SNX27: variants seen among roughly 807,000 people sequenced by gnomAD.
SNX27 encodes the protein sorting nexin 27, also known as sorting nexin-27.
A neutral mutation model predicts 71.6 loss-of-function variants in SNX27; 22 were observed. The ratio of observed to expected loss-of-function variants is 0.31; its 90% CI spans 0.22 to 0.44. The LOEUF (loss-of-function observed/expected upper bound fraction) is 0.44, where lower values mean the gene tolerates loss of function less well. Ranked by LOEUF, SNX27 falls within the 20% of genes least tolerant of loss-of-function variation. The pLI is 1.00. For synonymous variants in SNX27, 269 were observed against 277.2 expected, an observed-to-expected ratio of 0.97 and a Z score of 0.29; for missense variants, 531 against 698.6, an observed-to-expected ratio of 0.76 and a Z score of 2.70.
intron 7 of SNX27, among the ~76,000 whole-genome samples, chr1:151,675,227 T>A (rs1670631369): frequency 6.6e-6 from 1 of 152,170 alleles, no homozygotes; most frequent in Non-Finnish European, 1.5e-5. Context: ...TCTGATTGTT[T>A]CCCTTTGATC....
At chr1:151,664,164 A>G (rs1670087898) in intron 5 of SNX27, among the ~76,000 whole-genome samples, 1 of 143,830 alleles carries the variant, frequency 7.0e-6, no homozygotes, top group South Asian at 2.1e-4. Flanking sequence ...CTTTATATAT[A>G]ATTATATAAT....
chr1:151,666,208 A>G (rs1029882104), intron 6 of SNX27, 197 bp downstream of exon 6: 1 of 401,316 alleles, frequency 2.5e-6, no homozygotes. Context: ...TTTTGTAAGT[A>G]TAGGTTATAA....
At chr1:151,660,766 C>T in intron 3 of SNX27, 32 bp from the exon 4 acceptor site, 1 of 1,543,428 alleles carries the variant, frequency 6.5e-7, no homozygotes, top group Non-Finnish European at 9.0e-7. Context: ...ATTTTAAGGC[C>T]TTATGCCAGA....
chr1:151,694,461 C>A lies in SNX27; in HGVS notation c.*44C>A. On this transcript the variant is annotated 3_prime_UTR_variant, in exon 12 of 12. Transcript: ENST00000458013. The stretch of plus-strand genomic sequence containing the variant: ...CCTTCCCTTCACCCCCATCCTCTTA[C>A]TCCTTTCATGTCCCATTTCAGACAG... The A allele has an allele frequency of 1.3e-6, 2 of 1,524,848 alleles. No individual in the cohort carries two copies. Among genetic ancestry groups the A allele is most frequent in the Non-Finnish European group, 1.8e-6 (2 of 1,127,232 alleles). The allele number at this position is 1,524,848 out of a possible 1,614,324, so 94.5% of individuals were successfully genotyped here. A position where few individuals can be genotyped will look rare whatever the true frequency, so the allele number is the denominator to read the frequency against.
chr1:151,665,775 T>C (rs1028204477), intron 5 of SNX27, among the ~76,000 whole-genome samples, 158 bp from the exon 6 acceptor site: 3 of 152,190 alleles, frequency 2.0e-5, no homozygotes, highest in African/African-American at 7.2e-5. Flanking sequence ...TACACATACA[T>C]ACAAAGAAGG....
At chr1:151,617,000 C>T (rs1212049560) in intron 1 of SNX27, among the ~76,000 whole-genome samples, 1 of 152,116 alleles carries the variant, frequency 6.6e-6, no homozygotes, top group East Asian at 1.9e-4. Context: ...ATTCTCAGTT[C>T]ATTTTATCTT....
intron 2 of SNX27, among the ~76,000 whole-genome samples, chr1:151,639,486 A>G (rs1027913207): frequency 3.3e-5 from 5 of 152,134 alleles, no homozygotes; most frequent in Non-Finnish European, 5.9e-5. Flanking sequence ...CTGTGGTGCT[A>G]TAGGGCAAGA....
At chr1:151,641,961 TGA>T (rs1491435667) in intron 2 of SNX27, among the ~76,000 whole-genome samples, 15 of 32,606 alleles carry the variant, frequency 4.6e-4, no homozygotes, top group African/African-American at 9.5e-4. Context: ...TAGATATATA[TGA>T]GATATATATA....
intron 2 of SNX27, among the ~76,000 whole-genome samples, chr1:151,641,114 A>C (rs1668699264): frequency 6.6e-6 from 1 of 152,176 alleles, no homozygotes. Flanking sequence ...GTTCATGCAC[A>C]TGTGGGTTGT....
chr1:151,629,993 C>T (rs1206440981), intron 1 of SNX27, among the ~76,000 whole-genome samples: 2 of 151,604 alleles, frequency 1.3e-5, no homozygotes, highest in Non-Finnish European at 2.9e-5. Flanking sequence ...CACCTGTAAT[C>T]CCAGCTACTC....
intron 1 of SNX27, among the ~76,000 whole-genome samples, chr1:151,613,684 T>G (rs988762093): frequency 6.6e-6 from 1 of 151,946 alleles, no homozygotes; most frequent in African/African-American, 2.4e-5. Context: ...GGATGCTGCC[T>G]TGTCTTGCAA....
In SNX27 at chr1:151,643,319, G is replaced by A. The variant is rs566559666; in HGVS notation, c.543+4200G>A. ...TTATTTATTTATTTATTTTGAGACG[G>A]AGTCTCCCTCTGTCACCCAGGCTGG... is the stretch of plus-strand genomic sequence containing the variant. On this transcript the variant is annotated intron_variant, in intron 2 of 11. Coordinates refer to ENST00000458013, the MANE Select transcript of SNX27 (RefSeq NM_001330723.2). Among the ~76,000 whole-genome samples the A allele has an allele frequency of 1.6e-3, 214 of 135,838 alleles. 2 individuals carry two copies. The highest frequency in any genetic ancestry group is 2.1e-3 in the Non-Finnish European group (128 of 62,172). The allele number at this position is 135,838 out of a possible 152,430, so 89.1% of individuals were successfully genotyped here.
chr1:151,690,503 C>T (rs954743335), intron 8 of SNX27, among the ~76,000 whole-genome samples: 4 of 152,094 alleles, frequency 2.6e-5, no homozygotes, highest in Non-Finnish European at 5.9e-5. Flanking sequence ...CAGTCTCAGC[C>T]AGGCTGGAGT....
intron 1 of SNX27, among the ~76,000 whole-genome samples, chr1:151,626,881 GT>G (rs781654661): frequency 3.9e-5 from 6 of 152,076 alleles, no homozygotes; most frequent in Admixed American, 1.3e-4. Context: ...GATAGTTTTT[GT>G]TTTGTTTTGT....
At chr1:151,641,775 ATC>A (rs559547809) in intron 2 of SNX27, among the ~76,000 whole-genome samples, 1,647 of 30,782 alleles carry the variant, frequency 0.054, 111 homozygotes, top group African/African-American at 0.1. Context: ...TGCTATATAT[ATC>A]TGATATATAT....
At chr1:151,629,530 T>C (rs1668113935) in intron 1 of SNX27, 1 of 150,666 alleles carries the variant, frequency 6.6e-6, no homozygotes, top group Admixed American at 6.6e-5. Flanking sequence ...TATATATACA[T>C]GTATACGTAT....
intron 5 of SNX27, among the ~76,000 whole-genome samples, chr1:151,663,818 T>A (rs995988198): frequency 6.6e-6 from 1 of 152,166 alleles, no homozygotes; most frequent in African/African-American, 2.4e-5. Flanking sequence ...GATGTTTTCT[T>A]TGTAAAATTC....
intron 2 of SNX27, among the ~76,000 whole-genome samples, chr1:151,640,481 A>T (rs1348511371): frequency 2.6e-5 from 4 of 152,038 alleles, no homozygotes; most frequent in African/African-American, 9.7e-5. Flanking sequence ...GGGTTCAAAC[A>T]ATTCTGCCTC....
chr1:151,674,537 G>A (rs1419207910), intron 7 of SNX27, among the ~76,000 whole-genome samples: 2 of 152,048 alleles, frequency 1.3e-5, no homozygotes, highest in Non-Finnish European at 2.9e-5. Context: ...GAACTCCTGA[G>A]CTCAAGCAGC....
Sources: allele counts gnomAD v4.1 joint callset (sites outside exome capture counted in the v4.1 genomes callset), GRCh38; gene constraint gnomAD v4.1.1; transcripts MANE v1.5; gene names NCBI Gene and HGNC (gene_info 2026-07-23, HGNC 2026-07-21).